The following APOC2 variants were observed in gnomAD, a reference collection of about 807,000 sequenced individuals.
The protein encoded by APOC2 is apolipoprotein C2, also known as apolipoprotein C-II.
A neutral mutation model predicts 10.2 loss-of-function variants in APOC2; 6 were observed. That is an observed-to-expected ratio of 0.59 (90% confidence interval 0.32 to 1.16). The LOEUF is 1.16. Ranked by LOEUF, APOC2 falls within the 50% of genes most tolerant of loss-of-function variation. APOC2 has a pLI of 0.05. For missense variants in APOC2, 110 were observed against 117.6 expected, an observed-to-expected ratio of 0.94 and a Z score of 0.30; for synonymous variants, 56 against 48.5, an observed-to-expected ratio of 1.15 and a Z score of -0.64.
chr19:44,948,497 C>G lies in APOC2; in HGVS notation c.19C>G (p.Pro7Ala), dbSNP rs141530175. The G allele has an allele frequency of 1.9e-6, 3 of 1,614,000 alleles. No individual in the cohort carries two copies. Among genetic ancestry groups the G allele is most frequent in the Non-Finnish European group, 2.5e-6 (3 of 1,180,022 alleles). Residue 7 changes from proline to alanine, a missense_variant, in exon 2 of 4, where the codon CCA (proline) becomes GCA (alanine). Physicochemically the swap from Pro to Ala is conservative, Grantham distance 27. Transcript: ENST00000252490. Reference protein sequence around the residue: MGTRLLPALFLVLLVLG... With the variant: MGTRLLAALFLVLLVLG... ...GGACACTATGGGCACACGACTCCTC[C>G]CAGCTCTGTTTCTTGTCCTCCTGGT...
Position 44,948,738 on chromosome 19 carries a change from G to A in APOC2, c.93G>A (p.Met31Ile). 2 of 1,614,098 alleles carry A rather than the reference G, an allele frequency of 1.2e-6. No homozygotes were observed. Among genetic ancestry groups the A allele is most frequent in the Non-Finnish European group, 1.7e-6 (2 of 1,180,020 alleles). Residue 31 changes from methionine (M) to isoleucine (I), a missense_variant, in exon 3 of 4, where the codon ATG becomes ATA. Transcript: ENST00000252490. ...CCCAACAGCCCCAGCAAGATGAGATGCCTAGCCCGACCTTCCTCACCCAGG... is the reference window on the plus strand; with the variant it reads ...CCCAACAGCCCCAGCAAGATGAGATACCTAGCCCGACCTTCCTCACCCAGG... ...QGTQQPQQDE[M>I]PSPTFLTQVK...
At chr19:44,946,110 G>C (rs1302742760) in intron 1 of APOC2, 35 bp downstream of exon 1, 4 of 152,694 alleles carry the variant, frequency 2.6e-5, no homozygotes, top group Admixed American at 1.3e-4. Context: ...GGACAGGGGG[G>C]CGTCAGCAGG....
At chr19:44,947,916 A>C (rs1970339599) in intron 1 of APOC2, among the ~76,000 whole-genome samples, 2 of 152,216 alleles carry the variant, frequency 1.3e-5, no homozygotes, top group African/African-American at 4.8e-5. Context: ...AAAAATACAA[A>C]ATATTAGCCG....
At chr19:44,948,388 C>T in intron 1 of APOC2, 78 bp from the exon 2 acceptor site, 1 of 1,242,068 alleles carries the variant, frequency 8.1e-7, no homozygotes, top group Non-Finnish European at 1.2e-6. Context: ...TCTCAGTCCC[C>T]CCCACCAGAG....
At chr19:44,946,732 G>T (rs1183527086) in intron 1 of APOC2, among the ~76,000 whole-genome samples, 1 of 152,114 alleles carries the variant, frequency 6.6e-6, no homozygotes, top group Admixed American at 6.6e-5. Context: ...TGAGACAGGA[G>T]AATTGCTTGA....
Position 44,948,249 on chromosome 19 carries a change from A to G in APOC2, c.-13-217A>G. 3 of 513,468 alleles carry G rather than the reference A, an allele frequency of 5.8e-6. No homozygotes were observed. In the South Asian group the frequency reaches 6.7e-5, roughly 11 times the overall value. 31.8% of individuals were successfully genotyped at this position (513,468 alleles called of 1,614,324 possible). A position where few individuals can be genotyped will look rare whatever the true frequency, so the allele number is the denominator to read the frequency against. On this transcript the variant is annotated intron_variant, in intron 1 of 3. Transcript: ENST00000252490. Reference sequence around the variant, plus strand: ...AGATTCCATCTCAAAAAAGAAAAAAATAATAATTAAAATGTTAAAATCAGG... The same window carrying G: ...AGATTCCATCTCAAAAAAGAAAAAAGTAATAATTAAAATGTTAAAATCAGG...
Position 44,949,052 on chromosome 19 carries a change from TCCTC to T in APOC2, c.216-102_216-99del, listed in dbSNP as rs1970355696. 9 of 1,044,722 alleles carry T rather than the reference TCCTC, an allele frequency of 8.6e-6. No individual in the cohort carries two copies. In the African/African-American group the frequency reaches 1.9e-4, roughly 23 times the overall value. The allele number at this position is 1,044,722 out of a possible 1,614,324, so 64.7% of individuals were successfully genotyped here. A position where few individuals can be genotyped will look rare whatever the true frequency, so the allele number is the denominator to read the frequency against. ...CCCAGGAGTCCAGGCCCCCAGCCCC[TCCTC>T]CCTCAGACCCAGGAGTCCAGGTCCC... On this transcript the variant is annotated intron_variant, in intron 3 of 3. Coordinates refer to ENST00000252490, the MANE Select transcript of APOC2 (RefSeq NM_000483.5).
chr19:44,948,644 C>T (rs1970349027), intron 2 of APOC2, 57 bp from the exon 3 acceptor site: 1 of 1,609,612 alleles, frequency 6.2e-7, no homozygotes. Context: ...CTTCTTCCTT[C>T]CTCCTTTCCC....
intron 1 of APOC2, among the ~76,000 whole-genome samples, chr19:44,946,378 A>C (rs569390765): frequency 1.3e-5 from 2 of 152,196 alleles, no homozygotes; most frequent in Admixed American, 1.3e-4. Flanking sequence ...CACAGAATTT[A>C]GAACTGTAGA....
At chr19:44,947,108 C>G (rs970523853) in intron 1 of APOC2, 1 of 151,762 alleles carries the variant, frequency 6.6e-6, no homozygotes, top group Non-Finnish European at 1.5e-5. Context: ...GCCAAAATTG[C>G]GCCATCGCAC....
intron 1 of APOC2, among the ~76,000 whole-genome samples, chr19:44,946,878 G>A (rs1303929210): frequency 6.6e-6 from 1 of 152,124 alleles, no homozygotes; most frequent in African/African-American, 2.4e-5. Flanking sequence ...TAGGCTGGGC[G>A]TGGTGGCTTA....
At chr19:44,946,754 G>A (rs1970326239) in intron 1 of APOC2, among the ~76,000 whole-genome samples, 1 of 151,926 alleles carries the variant, frequency 6.6e-6, no homozygotes, top group South Asian at 2.1e-4. Flanking sequence ...CCCAGGAAGC[G>A]GAGGTTGCAG....
chr19:44,949,457 C>G lies in APOC2; in HGVS notation c.*208C>G. On this transcript the variant is annotated 3_prime_UTR_variant, in exon 4 of 4. Coordinates refer to ENST00000252490, the MANE Select transcript of APOC2 (RefSeq NM_000483.5). The stretch of plus-strand genomic sequence containing the variant: ...TCAAGGGCCAAGATGGAGGGGCTGA[C>G]TCAGTCCAGCCAACATTTAATGAGC... 1.6e-6 allele frequency: 1 copy of G among 606,202 alleles called. No individual in the cohort carries two copies. The highest frequency in any genetic ancestry group is 3.0e-6 in the Non-Finnish European group (1 of 336,168). The allele number at this position is 606,202 out of a possible 1,614,324, so 37.6% of individuals were successfully genotyped here.
At chr19:44,949,124 C>T (rs1195740434) in intron 3 of APOC2, 35 bp from the exon 4 acceptor site, 1 of 1,590,590 alleles carries the variant, frequency 6.3e-7, no homozygotes, top group Non-Finnish European at 8.6e-7. Context: ...GCCCCCAGCC[C>T]CTCCTCCCTC....
At chr19:44,948,389 C>T in intron 1 of APOC2, 77 bp from the exon 2 acceptor site, 4 of 1,252,872 alleles carry the variant, frequency 3.2e-6, no homozygotes, top group East Asian at 2.3e-5. Flanking sequence ...CTCAGTCCCC[C>T]CCACCAGAGT....
intron 1 of APOC2, 116 bp downstream of exon 1, chr19:44,946,191 CTG>C (rs71338739): frequency 0.22 from 28,793 of 133,182 alleles, 3,038 homozygotes; most frequent in East Asian, 0.29. Context: ...GGAACCATGA[CTG>C]TGTGTGTGTG....
chr19:44,948,773 C>G lies in APOC2; in HGVS notation c.128C>G (p.Ser43Cys). The G allele has an allele frequency of 6.2e-7, 1 of 1,614,212 alleles. No individual in the cohort carries two copies. The highest frequency in any genetic ancestry group is 1.1e-5 in the South Asian group (1 of 91,090). ...SPTFLTQVKESLSSYWESAKT... is the reference protein window; with the variant it reads ...SPTFLTQVKECLSSYWESAKT... ...ACCTTCCTCACCCAGGTGAAGGAAT[C>G]TCTCTCCAGTTACTGGGAGTCAGCA... The change falls in exon 3 of 4, where the codon TCT (serine) becomes TGT (cysteine). Residue 43 changes from serine (S) to cysteine (C), a missense_variant. Physicochemically the swap from Ser to Cys is moderately radical, Grantham distance 112. Coordinates refer to ENST00000252490, the MANE Select transcript of APOC2 (RefSeq NM_000483.5).
Position 44,948,847 on chromosome 19 carries a change from G to A in APOC2, c.202G>A (p.Asp68Asn). 6.2e-7 allele frequency: 1 copy of A among 1,612,908 alleles called. No homozygotes were observed. Among genetic ancestry groups the A allele is most frequent in the Non-Finnish European group, 8.5e-7 (1 of 1,180,028 alleles). ...LYEKTYLPAV[D>N]EKLRDLYSKS... The stretch of plus-strand genomic sequence containing the variant: ...CGAGAAGACATACCTGCCCGCTGTA[G>A]ATGAGAAACTCAGGTAGCACCTGCC... Residue 68 changes from aspartate to asparagine, a missense_variant, in exon 3 of 4, where the codon GAT becomes AAT. By Grantham distance (23) the Asp-to-Asn change is conservative. Transcript: ENST00000252490.
rs1463056903 is a variant in APOC2, at chr19:44,949,228, T to C, written c.285T>C (p.Ser95=). 2 of 1,613,788 alleles carry C rather than the reference T, an allele frequency of 1.2e-6. No individual in the cohort carries two copies. Among genetic ancestry groups the C allele is most frequent in the Non-Finnish European group, 1.7e-6 (2 of 1,179,950 alleles). ...GCATTTTTACTGACCAAGTTCTTTCTGTGCTGAAGGGAGAGGAGTAACAGC... is the reference window on the plus strand; with the variant it reads ...GCATTTTTACTGACCAAGTTCTTTCCGTGCTGAAGGGAGAGGAGTAACAGC... ...YTGIFTDQVL[S]VLKGEE is the part of the protein sequence containing the mutation. The change falls in exon 4 of 4, where the codon TCT becomes TCC. Residue 95 remains serine, a synonymous_variant. Transcript: ENST00000252490.
Sources: allele counts gnomAD v4.1 joint callset (sites outside exome capture counted in the v4.1 genomes callset), GRCh38; gene constraint gnomAD v4.1.1; transcripts MANE v1.5; gene names NCBI Gene and HGNC (gene_info 2026-07-23, HGNC 2026-07-21).